The following NCKAP5 variants were observed in gnomAD, a reference collection of about 807,000 sequenced individuals.
NCKAP5 encodes NCK associated protein 5, also known as nck-associated protein 5.
A neutral mutation model predicts 167.0 loss-of-function variants in NCKAP5; 92 were observed. The observed-to-expected ratio is 0.55, with a 90% CI of 0.47 to 0.66. The LOEUF (loss-of-function observed/expected upper bound fraction) is 0.66, where lower values mean the gene tolerates loss of function less well. NCKAP5 is among the 30% of genes least tolerant of loss of function. The pLI is 0.00. For missense variants in NCKAP5, 2,378 were observed against 2,315.0 expected, an observed-to-expected ratio of 1.03 and a Z score of -0.56; for synonymous variants, 891 against 877.4, an observed-to-expected ratio of 1.02 and a Z score of -0.27.
intron 19 of NCKAP5, among the ~76,000 whole-genome samples, chr2:132,682,323 A>G (rs1685337890): frequency 6.6e-6 from 1 of 152,154 alleles, no homozygotes; most frequent in Non-Finnish European, 1.5e-5. Flanking sequence ...CTCTACCACA[A>G]TGTGACAGTG....
intron 3 of NCKAP5, among the ~76,000 whole-genome samples, chr2:133,455,963 A>C (rs1305706138): frequency 6.6e-6 from 1 of 152,148 alleles, no homozygotes; most frequent in Admixed American, 6.6e-5. Context: ...AAGCAGCTGA[A>C]CTTCACTAAA....
At chr2:132,802,464 C>T (rs749908082) in intron 11 of NCKAP5, among the ~76,000 whole-genome samples, 19 of 152,286 alleles carry the variant, frequency 1.2e-4, no homozygotes, top group East Asian at 7.7e-4. Context: ...CTGTCTTAGG[C>T]GGGCCCTGGG....
At chr2:132,979,395 G>T (rs979341165) in intron 7 of NCKAP5, among the ~76,000 whole-genome samples, 1 of 152,010 alleles carries the variant, frequency 6.6e-6, no homozygotes, top group Non-Finnish European at 1.5e-5. Flanking sequence ...CCAGTCTAGG[G>T]TGTCTGAACA....
intron 15 of NCKAP5, among the ~76,000 whole-genome samples, chr2:132,780,686 C>T (rs1016239407): frequency 3.9e-5 from 6 of 152,278 alleles, no homozygotes; most frequent in Middle Eastern, 6.8e-3. Context: ...CATGTTCATT[C>T]CTTTTTGGTG....
intron 3 of NCKAP5, among the ~76,000 whole-genome samples, chr2:133,426,786 T>C (rs1379534713): frequency 1.3e-5 from 2 of 152,216 alleles, no homozygotes; most frequent in Non-Finnish European, 2.9e-5. Context: ...AAGATGTTAA[T>C]AATAGGAGAA....
At chr2:132,830,274 T>C (rs749481545) in intron 11 of NCKAP5, among the ~76,000 whole-genome samples, 4 of 152,080 alleles carry the variant, frequency 2.6e-5, no homozygotes, top group Non-Finnish European at 5.9e-5. Flanking sequence ...AAAAAGTTCT[T>C]GTAAATAGGA....
chr2:133,286,575 A>G (rs989034146), intron 4 of NCKAP5, among the ~76,000 whole-genome samples: 2 of 152,196 alleles, frequency 1.3e-5, no homozygotes, highest in African/African-American at 4.8e-5. Flanking sequence ...ACTAGGGGAA[A>G]AATCATAAAG....
At chr2:133,239,323 C>A (rs993814645) in intron 4 of NCKAP5, among the ~76,000 whole-genome samples, 6 of 152,158 alleles carry the variant, frequency 3.9e-5, no homozygotes, top group Non-Finnish European at 7.4e-5. Context: ...AAAACTCCAA[C>A]TGCTAGCCCA....
chr2:133,195,243 C>A (rs2085387986), intron 5 of NCKAP5, among the ~76,000 whole-genome samples: 1 of 152,086 alleles, frequency 6.6e-6, no homozygotes, highest in Non-Finnish European at 1.5e-5. Context: ...AAATTAGGTT[C>A]TTCTAAAAAG....
intron 3 of NCKAP5, among the ~76,000 whole-genome samples, chr2:133,303,487 GAC>G (rs1680550976): frequency 6.6e-6 from 1 of 152,142 alleles, no homozygotes; most frequent in South Asian, 2.1e-4. Flanking sequence ...CTGGTCTTAT[GAC>G]AGTCATGTTC....
chr2:133,146,667 A>G (rs2083208575), intron 5 of NCKAP5, among the ~76,000 whole-genome samples: 2 of 152,128 alleles, frequency 1.3e-5, no homozygotes, highest in Admixed American at 1.3e-4. Context: ...CACCAAGTAT[A>G]TAACTCTCCC....
intron 17 of NCKAP5, among the ~76,000 whole-genome samples, chr2:132,730,494 C>CAAAACA (rs1690891747): frequency 6.6e-6 from 1 of 152,064 alleles, no homozygotes; most frequent in African/African-American, 2.4e-5. Flanking sequence ...GACTCCATCT[C>CAAAACA]AAAACAAAAA....
chr2:133,439,275 G>A (rs1038716392), intron 3 of NCKAP5, among the ~76,000 whole-genome samples: 1 of 152,304 alleles, frequency 6.6e-6, no homozygotes, highest in Non-Finnish European at 1.5e-5. Flanking sequence ...GAAATGGAAA[G>A]GGTGAGCCTA....
the NCKAP5 span, among the ~76,000 whole-genome samples, chr2:133,632,744 C>G: frequency 6.6e-6 from 1 of 152,142 alleles, no homozygotes; most frequent in Non-Finnish European, 1.5e-5. Flanking sequence ...TTTTCAAATA[C>G]TCTCTTCCAC....
chr2:133,468,474 A>G (rs905035835), intron 3 of NCKAP5, among the ~76,000 whole-genome samples: 1 of 151,160 alleles, frequency 6.6e-6, no homozygotes, highest in Non-Finnish European at 1.5e-5. Flanking sequence ...GTGCTGAAAA[A>G]AATGTATATT....
In NCKAP5 at chr2:132,715,708, A is replaced by T. The variant is rs151186809; in HGVS notation, c.5713+9919T>A. On this transcript the variant is annotated intron_variant, in intron 19 of 19. Transcript: ENST00000409261. The stretch of plus-strand genomic sequence containing the variant: ...AGTGTCTCCCTAACACAGTCTGACA[A>T]AGACACCGTGGAGGGATCAACAGCC... 6.7e-3 allele frequency among the ~76,000 whole-genome samples: 1,023 copies of T among 152,286 alleles called. 15 individuals are homozygous for T. Among genetic ancestry groups the T allele is most frequent in the African/African-American group, 0.023 (955 of 41,552 alleles).
chr2:133,220,063 T>G (rs1285169910), intron 4 of NCKAP5, among the ~76,000 whole-genome samples: 3 of 152,114 alleles, frequency 2.0e-5, no homozygotes, highest in African/African-American at 7.2e-5. Flanking sequence ...GTGTAGAAAA[T>G]AAAGAATGCT....
intron 6 of NCKAP5, among the ~76,000 whole-genome samples, chr2:133,029,231 C>A (rs1350284997): frequency 1.3e-5 from 2 of 152,144 alleles, no homozygotes; most frequent in Non-Finnish European, 2.9e-5. Flanking sequence ...TTTACTACAG[C>A]AATGAGGCAG....
intron 5 of NCKAP5, among the ~76,000 whole-genome samples, chr2:133,205,224 C>T (rs900553758): frequency 6.6e-6 from 1 of 152,022 alleles, no homozygotes; most frequent in African/African-American, 2.4e-5. Flanking sequence ...GCCCAGGAGG[C>T]AGAAGTTGCA....
Sources: gnomAD v4.1 joint callset for allele counts (sites outside exome capture counted in the v4.1 genomes callset) on GRCh38, gnomAD v4.1.1 for gene constraint, MANE v1.5 for transcripts, NCBI Gene and HGNC (gene_info 2026-07-23, HGNC 2026-07-21) for gene names.